The following MYCBP2 variants were observed in gnomAD, a reference collection of about 807,000 sequenced individuals.
MYCBP2 encodes E3 ubiquitin-protein ligase MYCBP2.
In MYCBP2, 120 loss-of-function variants were observed where a neutral mutation model predicts 525.3. The ratio of observed to expected loss-of-function variants is 0.23; its 90% CI spans 0.20 to 0.27. The LOEUF (loss-of-function observed/expected upper bound fraction) is 0.27, where lower values mean the gene tolerates loss of function less well. MYCBP2 is among the 10% of genes least tolerant of loss of function. The pLI is 1.00. For synonymous variants in MYCBP2, 1,894 were observed against 1,955.8 expected (o/e 0.97, Z 0.83); for missense variants, 4,149 against 5,657.1 (o/e 0.73, Z 8.55).
chr13:77,047,949 A>G (rs764944035), intron 82 of MYCBP2, among the ~76,000 whole-genome samples: 16 of 152,046 alleles, frequency 1.1e-4, no homozygotes, highest in Non-Finnish European at 2.1e-4. Context: ...CTGCTGGCAG[A>G]GAGCTTTCTT....
In MYCBP2 at chr13:77,303,316, G is replaced by C. The variant is rs558448320; in HGVS notation, c.303-6642C>G. Among the ~76,000 whole-genome samples, 170 of 152,356 alleles carry C rather than the reference G, an allele frequency of 1.1e-3. 2 individuals carry two copies. The highest frequency in any genetic ancestry group is 4.0e-3 in the African/African-American group (167 of 41,582). On this transcript the variant is annotated intron_variant, in intron 1 of 82. Coordinates refer to ENST00000544440, the MANE Select transcript of MYCBP2 (RefSeq NM_015057.5). The stretch of plus-strand genomic sequence containing the variant: ...CCACTGTCCTCCAGCCTGGGCGACA[G>C]AGCGAGACTCCGTCTCAAAACAAAC...
intron 55 of MYCBP2, among the ~76,000 whole-genome samples, chr13:77,114,933 A>G (rs2049459112): frequency 6.6e-6 from 1 of 151,980 alleles, no homozygotes; most frequent in African/African-American, 2.4e-5. Flanking sequence ...AAATGAAGCC[A>G]TTTGCAATAT....
chr13:77,139,828 GTTCTT>G (rs1396063346), intron 51 of MYCBP2, among the ~76,000 whole-genome samples: 14 of 152,076 alleles, frequency 9.2e-5, no homozygotes, highest in Admixed American at 9.2e-4. Context: ...GTCGAACATT[GTTCTT>G]TTCATGTTCA....
chr13:77,170,259 C>T (rs1299821743), intron 38 of MYCBP2, among the ~76,000 whole-genome samples: 1 of 152,158 alleles, frequency 6.6e-6, no homozygotes, highest in Non-Finnish European at 1.5e-5. Flanking sequence ...AGCTACATTG[C>T]TTTCTGTTTT....
At chr13:77,317,348 T>C (rs1442712289) in intron 1 of MYCBP2, among the ~76,000 whole-genome samples, 1 of 152,214 alleles carries the variant, frequency 6.6e-6, no homozygotes, top group Non-Finnish European at 1.5e-5. Flanking sequence ...GTTGGAAATG[T>C]TTCTCTTCTG....
intron 2 of MYCBP2, among the ~76,000 whole-genome samples, chr13:77,292,626 C>A (rs2077601526): frequency 6.6e-6 from 1 of 151,900 alleles, no homozygotes; most frequent in South Asian, 2.1e-4. Context: ...CTGTGGTTGT[C>A]TACAGCCAGG....
At chr13:77,100,796 TATAA>T (rs2046956479) in intron 55 of MYCBP2, among the ~76,000 whole-genome samples, 1 of 152,120 alleles carries the variant, frequency 6.6e-6, no homozygotes, top group South Asian at 2.1e-4. Context: ...TGCTCTGTTT[TATAA>T]ATACAGTATT....
chr13:77,267,429 A>AAATT (rs2074268289), intron 8 of MYCBP2, among the ~76,000 whole-genome samples: 5 of 150,840 alleles, frequency 3.3e-5, no homozygotes, highest in Non-Finnish European at 7.4e-5. Flanking sequence ...TAAATTAAAT[A>AAATT]AAATTAAATT....
intron 1 of MYCBP2, among the ~76,000 whole-genome samples, chr13:77,301,330 C>T (rs1008913342): frequency 6.7e-6 from 1 of 148,490 alleles, no homozygotes; most frequent in African/African-American, 2.5e-5. Context: ...GCAGGAGAAT[C>T]GCTTGAACCT....
chr13:77,140,893 G>A lies in MYCBP2; in HGVS notation c.7354C>T (p.Pro2452Ser). Residue 2452 changes from proline to serine, a missense_variant, in exon 50 of 83, where the codon CCA (proline) becomes TCA (serine). This residue lies in a region of MYCBP2 where 692 missense variants were observed against 852.7 expected (regional missense o/e 0.81). Transcript: ENST00000544440. Reference protein sequence around the residue: ...VKDPPKGMIPPGTQLVKPKSE... With the variant: ...VKDPPKGMIPSGTQLVKPKSE... The stretch of plus-strand genomic sequence containing the variant: ...TTTGGTTTGACCAACTGAGTTCCTG[G>A]TGGTATCATCCCTTTTGGTGGGTCT... 1 of 1,612,958 alleles carries A rather than the reference G, an allele frequency of 6.2e-7. No individual in the cohort carries two copies. The highest frequency in any genetic ancestry group is 8.5e-7 in the Non-Finnish European group (1 of 1,179,704).
intron 20 of MYCBP2, among the ~76,000 whole-genome samples, chr13:77,223,634 A>C (rs1036300096): frequency 3.3e-5 from 5 of 152,180 alleles, no homozygotes; most frequent in Admixed American, 2.0e-4. Flanking sequence ...ATGGTGTCAG[A>C]GACCCAGCCT....
In MYCBP2 at chr13:77,190,370, T is replaced by G. The variant is rs78105111; in HGVS notation, c.4071-35A>C. The G allele has an allele frequency of 1.1e-3, 1,401 of 1,225,412 alleles. 9 individuals carry two copies. In the African/African-American group the frequency reaches 0.018, roughly 16 times the overall value. The allele number at this position is 1,225,412 out of a possible 1,614,324, so 75.9% of individuals were successfully genotyped here. A position where few individuals can be genotyped will look rare whatever the true frequency, so the allele number is the denominator to read the frequency against. ...GAAAACAATGATACCAAAAACAACATGATCATTACAGGAAATAAGAAATTT... is the reference window on the plus strand; with the variant it reads ...GAAAACAATGATACCAAAAACAACAGGATCATTACAGGAAATAAGAAATTT... On this transcript the variant is annotated intron_variant, in intron 28 of 82. Transcript: ENST00000544440.
chr13:77,326,023 C>T lies in MYCBP2; in HGVS notation c.302+451G>A, dbSNP rs1682719445. On this transcript the variant is annotated intron_variant, in intron 1 of 82. Transcript: ENST00000544440. The surrounding 1 kb of genome is among the most constrained non-coding windows in gnomAD (Gnocchi z 4.2). Reference sequence around the variant, plus strand: ...GCTGGAAGGAATGTCATGGGAGAGGCGGCACGTGCAAATAACATTGCGGCA... The same window carrying T: ...GCTGGAAGGAATGTCATGGGAGAGGTGGCACGTGCAAATAACATTGCGGCA... Among the ~76,000 whole-genome samples, 1 of 152,076 alleles carries T rather than the reference C, an allele frequency of 6.6e-6. No individual in the cohort carries two copies.
intron 73 of MYCBP2, among the ~76,000 whole-genome samples, chr13:77,064,133 C>T (rs1202830850): frequency 6.6e-6 from 1 of 151,524 alleles, no homozygotes; most frequent in East Asian, 1.9e-4. Flanking sequence ...AAGATTTCCA[C>T]CCTGACCCTG....
intron 1 of MYCBP2, among the ~76,000 whole-genome samples, chr13:77,319,243 G>C (rs989933320): frequency 6.6e-6 from 1 of 152,084 alleles, no homozygotes; most frequent in East Asian, 1.9e-4. Flanking sequence ...GAGGAGCTGG[G>C]GGTAAGAGGG....
At chr13:77,245,823 AATAC>A (rs1235668188) in intron 15 of MYCBP2, among the ~76,000 whole-genome samples, 1 of 148,238 alleles carries the variant, frequency 6.7e-6, no homozygotes, top group African/African-American at 2.5e-5. Context: ...AGGAAAAAAT[AATAC>A]ATATATATGT....
chr13:77,076,057 T>C (rs2154095269), intron 68 of MYCBP2: 1 of 152,362 alleles, frequency 6.6e-6, no homozygotes, highest in South Asian at 2.1e-4. Context: ...CTTCTCTTTT[T>C]GCAAATGGAT....
chr13:77,171,986 C>T (rs1018817823), intron 37 of MYCBP2, among the ~76,000 whole-genome samples: 12 of 152,058 alleles, frequency 7.9e-5, no homozygotes, highest in African/African-American at 1.7e-4. Context: ...CTGCAACCTC[C>T]GCCTCCCAGG....
intron 4 of MYCBP2, 87 bp downstream of exon 4, chr13:77,278,671 T>G: frequency 8.5e-7 from 1 of 1,182,858 alleles, no homozygotes; most frequent in Non-Finnish European, 1.1e-6. Context: ...TTTAGAAATA[T>G]TCTCTTAACA....
Sources: allele counts gnomAD v4.1 joint callset (sites outside exome capture counted in the v4.1 genomes callset), GRCh38; gene constraint gnomAD v4.1.1; regional missense constraint gnomAD v4.1.1; non-coding constraint Gnocchi (gnomAD v3.1); transcripts MANE v1.5; gene names NCBI Gene and HGNC (gene_info 2026-07-23, HGNC 2026-07-21).